Variants in CLGN observed in about 807,000 individuals in gnomAD.
CLGN encodes the protein testis tissue sperm-binding protein Li 79P.
CLGN carries 62 observed loss-of-function variants against 79.1 expected under a neutral mutation model. That is an observed-to-expected ratio of 0.78 (90% CI 0.64 to 0.97). CLGN has a LOEUF of 0.97. Among genes scored for constraint, CLGN ranks in the 50% least tolerant of loss-of-function variants. The pLI is 0.00. For missense variants in CLGN, 647 were observed against 715.5 expected, an observed-to-expected ratio of 0.90 and a Z score of 1.09; for synonymous variants, 225 against 224.7, an observed-to-expected ratio of 1.00 and a Z score of -0.01.
intron 8 of CLGN, among the ~76,000 whole-genome samples, chr4:140,397,527 A>G (rs907567883): frequency 6.6e-6 from 1 of 151,450 alleles, no homozygotes; most frequent in African/African-American, 2.4e-5. Context: ...GGATTCTTGG[A>G]TTTTATGTCA....
chr4:140,415,434 G>A (rs1729309399), intron 1 of CLGN, among the ~76,000 whole-genome samples: 1 of 151,830 alleles, frequency 6.6e-6, no homozygotes, highest in African/African-American at 2.4e-5. Flanking sequence ...AGACCCATCA[G>A]TGTGCTGTAT....
chr4:140,392,605 C>G lies in CLGN; in HGVS notation c.1472G>C (p.Cys491Ser). Reference protein sequence around the residue: ...GVPIALITSFCWPRKVKKKHK... With the variant: ...GVPIALITSFSWPRKVKKKHK... Reference sequence around the variant, plus strand: ...CTTTACCTTTACTTTTCTTGGCCAACAAAATGAAGTAATTAATGCTATTGG... The same window carrying G: ...CTTTACCTTTACTTTTCTTGGCCAAGAAAATGAAGTAATTAATGCTATTGG... The change falls in exon 12 of 15, where the codon TGT becomes TCT. Residue 491 changes from cysteine to serine, a missense_variant. Physicochemically the swap from Cys to Ser is moderately radical, Grantham distance 112. Transcript: ENST00000325617. The G allele has an allele frequency of 6.3e-7, 1 of 1,596,616 alleles. No homozygotes were observed. Among genetic ancestry groups the G allele is most frequent in the Non-Finnish European group, 8.5e-7 (1 of 1,175,154 alleles).
intron 1 of CLGN, among the ~76,000 whole-genome samples, chr4:140,424,200 G>A (rs1729520691): frequency 6.6e-6 from 1 of 151,922 alleles, no homozygotes; most frequent in Non-Finnish European, 1.5e-5. Context: ...CATAAGTTTT[G>A]GTATCTTTTG....
intron 1 of CLGN, among the ~76,000 whole-genome samples, chr4:140,427,088 G>GC (rs1239171804): frequency 1.4e-5 from 2 of 138,718 alleles, no homozygotes; most frequent in Non-Finnish European, 3.1e-5. Flanking sequence ...CGCGCCCCGG[G>GC]CCCCCTCTAC....
Position 140,396,165 on chromosome 4 carries a change from C to G in CLGN, c.925G>C (p.Val309Leu). ...EPAQIEDSSV[V>L]KPAGWLDDEP... ...TCATCAAGCCAGCCAGCAGGTTTAA[C>G]AACACTTGAATCTTCTATTTGGGCA... The change falls in exon 9 of 15, where the codon GTT becomes CTT. Residue 309 changes from valine to leucine, a missense_variant. Coordinates refer to ENST00000325617, the MANE Select transcript of CLGN (RefSeq NM_004362.3). The G allele has an allele frequency of 6.2e-7, 1 of 1,614,138 alleles. No homozygotes were observed. Among genetic ancestry groups the G allele is most frequent in the Non-Finnish European group, 8.5e-7 (1 of 1,180,004 alleles).
At chr4:140,422,561 A>G (rs1031126915) in intron 1 of CLGN, among the ~76,000 whole-genome samples, 12 of 152,168 alleles carry the variant, frequency 7.9e-5, no homozygotes, top group Non-Finnish European at 1.3e-4. Context: ...TTGTTAGTAT[A>G]CAGAAGTGCA....
At chr4:140,427,406 C>G (rs1027511647) in intron 1 of CLGN, 131 bp downstream of exon 1, 3 of 152,688 alleles carry the variant, frequency 2.0e-5, no homozygotes, top group Non-Finnish European at 2.9e-5. Flanking sequence ...TCACTTGGCC[C>G]CGACCGGTTC....
intron 6 of CLGN, among the ~76,000 whole-genome samples, chr4:140,401,235 G>T (rs1047087728): frequency 1.3e-5 from 2 of 152,102 alleles, no homozygotes; most frequent in African/African-American, 4.8e-5. Flanking sequence ...AGTGCTTATA[G>T]AAATACTTGG....
At chr4:140,413,893 C>T (rs1729267494) in intron 1 of CLGN, among the ~76,000 whole-genome samples, 1 of 152,252 alleles carries the variant, frequency 6.6e-6, no homozygotes, top group South Asian at 2.1e-4. Context: ...TAGGCTCCAC[C>T]TCTGGGGGCA....
chr4:140,413,319 C>T (rs1462137731), intron 1 of CLGN, among the ~76,000 whole-genome samples: 4 of 152,120 alleles, frequency 2.6e-5, no homozygotes, highest in Non-Finnish European at 1.5e-5. Context: ...AAACAAAGAG[C>T]CAATGGCACA....
At chr4:140,423,330 G>A (rs561137583) in intron 1 of CLGN, among the ~76,000 whole-genome samples, 53 of 152,284 alleles carry the variant, frequency 3.5e-4, no homozygotes, top group African/African-American at 1.3e-3. Flanking sequence ...TGTAAATGTG[G>A]CATGGTACAC....
intron 8 of CLGN, among the ~76,000 whole-genome samples, chr4:140,398,561 A>G (rs1007147970): frequency 1.3e-5 from 2 of 152,126 alleles, no homozygotes; most frequent in Non-Finnish European, 2.9e-5. Flanking sequence ...ACTAGGAATG[A>G]AAATTAAAGC....
chr4:140,390,976 T>A (rs1469181943), intron 13 of CLGN, among the ~76,000 whole-genome samples: 1 of 151,796 alleles, frequency 6.6e-6, no homozygotes, highest in Admixed American at 6.6e-5. Flanking sequence ...GTATGTAATA[T>A]GAAAACCAAA....
chr4:140,418,257 A>T (rs1284466886), intron 1 of CLGN, among the ~76,000 whole-genome samples: 3 of 151,552 alleles, frequency 2.0e-5, no homozygotes, highest in South Asian at 4.2e-4. Flanking sequence ...CCCTAGAAGA[A>T]AACCTAGGCA....
chr4:140,404,360 T>A (rs943949893), intron 5 of CLGN, among the ~76,000 whole-genome samples: 5 of 152,210 alleles, frequency 3.3e-5, no homozygotes, highest in Non-Finnish European at 7.3e-5. Context: ...CCCAAAGTGC[T>A]GGGATTACAG....
chr4:140,396,026 A>C, intron 9 of CLGN, 57 bp from the exon 10 acceptor site: 3 of 1,610,156 alleles, frequency 1.9e-6, no homozygotes, highest in Admixed American at 1.7e-5. Context: ...TCAGTCATAT[A>C]AACTAGTAAC....
chr4:140,419,278 C>T (rs1389608141), intron 1 of CLGN, among the ~76,000 whole-genome samples: 20 of 151,970 alleles, frequency 1.3e-4, no homozygotes, highest in Non-Finnish European at 2.1e-4. Flanking sequence ...GGGTGCAGTG[C>T]ACCAGTATGG....
chr4:140,405,177 T>A (rs996493958), intron 5 of CLGN, among the ~76,000 whole-genome samples: 13 of 132,388 alleles, frequency 9.8e-5, no homozygotes, highest in South Asian at 4.7e-4. Context: ...TTTTTTATTT[T>A]TATTTTTTTT....
chr4:140,416,399 T>C (rs1419566723), intron 1 of CLGN, among the ~76,000 whole-genome samples: 2 of 142,960 alleles, frequency 1.4e-5, no homozygotes, highest in Admixed American at 7.0e-5. Context: ...TTCAAAAAAT[T>C]AATGAATCCA....
Sources: allele counts gnomAD v4.1 joint callset (sites outside exome capture counted in the v4.1 genomes callset), GRCh38; gene constraint gnomAD v4.1.1; transcripts MANE v1.5; gene names NCBI Gene and HGNC (gene_info 2026-07-23, HGNC 2026-07-21).